Variants in UMPS observed in about 807,000 individuals in gnomAD.
UMPS encodes uridine 5'-monophosphate synthase.
Under a neutral mutation model 38.9 loss-of-function variants are expected in UMPS, and 21 were observed. The observed-to-expected ratio is 0.54, with a 90% CI of 0.38 to 0.78. UMPS has a LOEUF of 0.78. Among genes scored for constraint, UMPS ranks in the 30% least tolerant of loss-of-function variants. The pLI is 0.00. For missense variants in UMPS, 533 were observed against 591.6 expected (o/e 0.90, Z 1.03); for synonymous variants, 208 against 219.3 (o/e 0.95, Z 0.45).
In UMPS at chr3:124,744,901, T is replaced by C. The variant is rs1559908474; in HGVS notation, c.*817T>C. ...GGTTCCCAGAACTGCCATTGCTCAC[T>C]CTCCAAAGAGGGGAAGGTGGGGAAG... On this transcript the variant is annotated 3_prime_UTR_variant, in exon 6 of 6. Coordinates refer to ENST00000232607, the MANE Select transcript of UMPS (RefSeq NM_000373.4). 1 of 453,990 alleles carries C rather than the reference T, an allele frequency of 2.2e-6. No individual in the cohort carries two copies. Among genetic ancestry groups the C allele is most frequent in the Non-Finnish European group, 4.4e-6 (1 of 226,772 alleles). 28.1% of individuals were successfully genotyped at this position (453,990 alleles called of 1,614,324 possible).
chr3:124,744,911 G>C lies in UMPS; in HGVS notation c.*827G>C. 2.2e-6 allele frequency: 1 copy of C among 454,084 alleles called. No homozygotes were observed. Among genetic ancestry groups the C allele is most frequent in the Non-Finnish European group, 4.4e-6 (1 of 226,788 alleles). The allele number at this position is 454,084 out of a possible 1,614,324, so 28.1% of individuals were successfully genotyped here. A position where few individuals can be genotyped will look rare whatever the true frequency, so the allele number is the denominator to read the frequency against. On this transcript the variant is annotated 3_prime_UTR_variant, in exon 6 of 6. Coordinates refer to ENST00000232607, the MANE Select transcript of UMPS (RefSeq NM_000373.4). The stretch of plus-strand genomic sequence containing the variant: ...ACTGCCATTGCTCACTCTCCAAAGA[G>C]GGGAAGGTGGGGAAGGGGAAGGTGA...
chr3:124,744,776 T>C lies in UMPS; in HGVS notation c.*692T>C, dbSNP rs763089233. On this transcript the variant is annotated 3_prime_UTR_variant, in exon 6 of 6. Coordinates refer to ENST00000232607, the MANE Select transcript of UMPS (RefSeq NM_000373.4). ...AGTCAGCACAGCTTTTCTTGTGTCC[T>C]GTATTCTCTGTCTAATGTGTTGCCC... The C allele has an allele frequency of 2.2e-6, 1 of 454,156 alleles. No homozygotes were observed. The highest frequency in any genetic ancestry group is 4.4e-6 in the Non-Finnish European group (1 of 226,796). 28.1% of individuals were successfully genotyped at this position (454,156 alleles called of 1,614,324 possible).
intron 1 of UMPS, chr3:124,732,508 C>CA (rs966065485): frequency 1.3e-5 from 2 of 154,796 alleles, no homozygotes; most frequent in African/African-American, 2.4e-5. Context: ...GCATTTCTAA[C>CA]AAAGTGCCAG....
In UMPS at chr3:124,745,596, A is replaced by C; in HGVS notation, c.*1512A>C. 1 of 454,054 alleles carries C rather than the reference A, an allele frequency of 2.2e-6. No homozygotes were observed. The highest frequency in any genetic ancestry group is 4.4e-6 in the Non-Finnish European group (1 of 226,772). The allele number at this position is 454,054 out of a possible 1,614,324, so 28.1% of individuals were successfully genotyped here. A position where few individuals can be genotyped will look rare whatever the true frequency, so the allele number is the denominator to read the frequency against. On this transcript the variant is annotated 3_prime_UTR_variant, in exon 6 of 6. Coordinates refer to ENST00000232607, the MANE Select transcript of UMPS (RefSeq NM_000373.4). Reference sequence around the variant, plus strand: ...TGCTCTAAAGTCCAATTTGGGCTTCATGTCCCCAGTGCTGCATCTCCAGGG... The same window carrying C: ...TGCTCTAAAGTCCAATTTGGGCTTCCTGTCCCCAGTGCTGCATCTCCAGGG...
chr3:124,748,401 C>G lies in UMPS; in HGVS notation c.*4317C>G, dbSNP rs566720818. 2.2e-6 allele frequency: 1 copy of G among 453,958 alleles called. No homozygotes were observed. Among genetic ancestry groups the G allele is most frequent in the Non-Finnish European group, 4.4e-6 (1 of 226,782 alleles). 28.1% of individuals were successfully genotyped at this position (453,958 alleles called of 1,614,324 possible). A position where few individuals can be genotyped will look rare whatever the true frequency, so the allele number is the denominator to read the frequency against. On this transcript the variant is annotated 3_prime_UTR_variant, in exon 6 of 6. Transcript: ENST00000232607. ...GCAATCCCTTTGTTTTCCCCATAAC[C>G]CTTCCAAAGGAAGGCCGCAATAGAA...
chr3:124,744,594 G>A lies in UMPS; in HGVS notation c.*510G>A. On this transcript the variant is annotated 3_prime_UTR_variant, in exon 6 of 6. Transcript: ENST00000232607. Reference sequence around the variant, plus strand: ...CATCTAAATTTCTTTATTATTTGTAGAGATGAGGTCTTGCCATGTTACCCA... The same window carrying A: ...CATCTAAATTTCTTTATTATTTGTAAAGATGAGGTCTTGCCATGTTACCCA... 2.2e-6 allele frequency: 1 copy of A among 453,818 alleles called. No individual in the cohort carries two copies. Among genetic ancestry groups the A allele is most frequent in the African/African-American group, 2.0e-5 (1 of 50,072 alleles). The allele number at this position is 453,818 out of a possible 1,614,324, so 28.1% of individuals were successfully genotyped here. A position where few individuals can be genotyped will look rare whatever the true frequency, so the allele number is the denominator to read the frequency against.
chr3:124,730,987 G>A (rs1170362807), intron 1 of UMPS, among the ~76,000 whole-genome samples: 3 of 152,170 alleles, frequency 2.0e-5, no homozygotes, highest in Admixed American at 6.5e-5. Context: ...CCAGCACTTT[G>A]GGATGCCTAA....
intron 1 of UMPS, among the ~76,000 whole-genome samples, chr3:124,733,060 T>C (rs2063492051): frequency 6.6e-6 from 1 of 151,916 alleles, no homozygotes; most frequent in South Asian, 2.1e-4. Context: ...ACAAAACTTC[T>C]TTTCACATCT....
intron 3 of UMPS, among the ~76,000 whole-genome samples, chr3:124,739,802 C>G (rs924554139): frequency 1.3e-5 from 2 of 152,160 alleles, no homozygotes; most frequent in Non-Finnish European, 1.5e-5. Flanking sequence ...AAAGTTTTTT[C>G]TCATTGTGAT....
At chr3:124,730,655 G>C in intron 1 of UMPS, 28 bp downstream of exon 1, 1 of 1,605,736 alleles carries the variant, frequency 6.2e-7, no homozygotes, top group Non-Finnish European at 8.5e-7. Flanking sequence ...GAAAGGACAG[G>C]GCTTGGTGGC....
rs532202043 is a variant in UMPS at position 124,747,103 on chromosome 3, C to T, written c.*3019C>T. Reference sequence around the variant, plus strand: ...AACCTTGACTTGGGCTCAAGCGATCCGCTCAAGTAGCTGGAACTACTCTCA... The same window carrying T: ...AACCTTGACTTGGGCTCAAGCGATCTGCTCAAGTAGCTGGAACTACTCTCA... On this transcript the variant is annotated 3_prime_UTR_variant, in exon 6 of 6. Transcript: ENST00000232607. 30 of 453,776 alleles carry T rather than the reference C, an allele frequency of 6.6e-5. No homozygotes were observed. Among genetic ancestry groups the T allele is most frequent in the South Asian group, 2.9e-4 (19 of 64,428 alleles). 28.1% of individuals were successfully genotyped at this position (453,776 alleles called of 1,614,324 possible). A position where few individuals can be genotyped will look rare whatever the true frequency, so the allele number is the denominator to read the frequency against.
In UMPS at chr3:124,745,701, C is replaced by T. The variant is rs2063591604; in HGVS notation, c.*1617C>T. 1 of 453,954 alleles carries T rather than the reference C, an allele frequency of 2.2e-6. No homozygotes were observed. The highest frequency in any genetic ancestry group is 1.6e-5 in the South Asian group (1 of 64,480). The allele number at this position is 453,954 out of a possible 1,614,324, so 28.1% of individuals were successfully genotyped here. ...GCAGGAAGGGAGTTGGCCCTCAGGGCTACTCTGGGGAAGCCAAAAGTCATG... is the reference window on the plus strand; with the variant it reads ...GCAGGAAGGGAGTTGGCCCTCAGGGTTACTCTGGGGAAGCCAAAAGTCATG... On this transcript the variant is annotated 3_prime_UTR_variant, in exon 6 of 6. Transcript: ENST00000232607.
intron 1 of UMPS, among the ~76,000 whole-genome samples, chr3:124,732,253 C>T (rs536900764): frequency 1.3e-5 from 2 of 152,302 alleles, no homozygotes; most frequent in African/African-American, 4.8e-5. Flanking sequence ...CTGTTAGGTC[C>T]ACACTTGGAA....
chr3:124,731,493 A>C, intron 1 of UMPS: 1 of 442,154 alleles, frequency 2.3e-6, no homozygotes, highest in East Asian at 7.2e-5. Flanking sequence ...TATTTTATTT[A>C]TTTATTTTTT....
rs1292957386 is a variant in UMPS, at chr3:124,748,338, C to T, written c.*4254C>T. 8.8e-6 allele frequency: 4 copies of T among 453,780 alleles called. No individual in the cohort carries two copies. The highest frequency in any genetic ancestry group is 1.8e-5 in the Non-Finnish European group (4 of 226,772). The allele number at this position is 453,780 out of a possible 1,614,324, so 28.1% of individuals were successfully genotyped here. A position where few individuals can be genotyped will look rare whatever the true frequency, so the allele number is the denominator to read the frequency against. ...CCATATTTTTCTTAGATCATAGGGC[C>T]TTTCACATTTGTAATTTGGCCTTGT... On this transcript the variant is annotated 3_prime_UTR_variant, in exon 6 of 6. Transcript: ENST00000232607.
Position 124,740,078 on chromosome 3 carries a change from C to T in UMPS, c.1037C>T (p.Pro346Leu), listed in dbSNP as rs1034320411. 1 of 1,613,908 alleles carries T rather than the reference C, an allele frequency of 6.2e-7. No individual in the cohort carries two copies. The highest frequency in any genetic ancestry group is 1.3e-5 in the African/African-American group (1 of 74,856). Reference sequence around the variant, plus strand: ...GATCTAGTAAATGCTCACGTGGTGCCAGGCTCAGGAGTTGTGAAAGGCCTG... The same window carrying T: ...GATCTAGTAAATGCTCACGTGGTGCTAGGCTCAGGAGTTGTGAAAGGCCTG... ...WADLVNAHVVPGSGVVKGLQE... is the reference protein window; with the variant it reads ...WADLVNAHVVLGSGVVKGLQE... Residue 346 changes from proline (P) to leucine (L), a missense_variant, in exon 4 of 6, where the codon CCA (proline) becomes CTA (leucine). By Grantham distance (98) the Pro-to-Leu change is moderately conservative (BLOSUM62 -3). Coordinates refer to ENST00000232607, the MANE Select transcript of UMPS (RefSeq NM_000373.4).
At position 124,742,268 on chromosome 3, in the gene UMPS, TAA is replaced by T. The variant is rs2063562284; in HGVS notation, c.1273+4_1273+5del. The T allele has an allele frequency of 2.5e-6, 4 of 1,610,026 alleles. No homozygotes were observed. The highest frequency in any genetic ancestry group is 2.7e-5 in the African/African-American group (2 of 74,794). On this transcript the variant is annotated splice_donor_region_variant and intron_variant, in intron 5 of 5. Coordinates refer to ENST00000232607, the MANE Select transcript of UMPS (RefSeq NM_000373.4). The stretch of plus-strand genomic sequence containing the variant: ...CAGGAGTTCAGTTGGAAGCAGGAGG[TAA>T]ATCTGGTCACTGGTCGTGGCTCTTC...
Position 124,738,196 on chromosome 3 carries a change from G to A in UMPS, c.939G>A (p.Arg313=). ...ATGAGTTCTTGATATTTGAAGACCG[G>A]AAGTTTGCAGATATAGGAAACACAG... ...KCHEFLIFED[R]KFADIGNTVK... Residue 313 remains arginine (R), a synonymous_variant, in exon 3 of 6, where the codon CGG becomes CGA. Coordinates refer to ENST00000232607, the MANE Select transcript of UMPS (RefSeq NM_000373.4). The A allele has an allele frequency of 1.2e-6, 2 of 1,614,126 alleles. No individual in the cohort carries two copies. The highest frequency in any genetic ancestry group is 1.7e-6 in the Non-Finnish European group (2 of 1,180,034).
chr3:124,742,436 T>C, intron 5 of UMPS, 170 bp downstream of exon 5: 1 of 627,258 alleles, frequency 1.6e-6, no homozygotes, highest in Non-Finnish European at 2.8e-6. Context: ...GTCAGTTTAC[T>C]TCTTTTAGTC....
Sources: gnomAD v4.1 joint callset for allele counts (sites outside exome capture counted in the v4.1 genomes callset) on GRCh38, gnomAD v4.1.1 for gene constraint, MANE v1.5 for transcripts, NCBI Gene and HGNC (gene_info 2026-07-23, HGNC 2026-07-21) for gene names.